Variants in SKA1 observed in about 807,000 individuals in gnomAD.
SKA1 encodes spindle and kinetochore associated complex subunit 1.
In SKA1, 20 loss-of-function variants were observed where a neutral mutation model predicts 31.8. The ratio of observed to expected loss-of-function variants is 0.63; its 90% CI spans 0.44 to 0.91. The LOEUF (loss-of-function observed/expected upper bound fraction) is 0.91. SKA1 is among the 40% of genes least tolerant of loss of function. The pLI, the probability that SKA1 is intolerant of heterozygous loss-of-function variation, is 0.00. For missense variants in SKA1, 253 were observed against 298.2 expected (o/e 0.85, Z 1.12); for synonymous variants, 88 against 100.5 (o/e 0.88, Z 0.74).
intron 5 of SKA1, among the ~76,000 whole-genome samples, chr18:50,389,151 G>A (rs1290704985): frequency 1.3e-5 from 2 of 152,026 alleles, no homozygotes; most frequent in Non-Finnish European, 2.9e-5. Flanking sequence ...CTCTTGACAC[G>A]TCAGAGTGCT....
rs6507990 is a variant in SKA1 at position 50,375,146 on chromosome 18, A to G, written c.-60A>G. The stretch of plus-strand genomic sequence containing the variant: ...TTCCAACGGAGACTGCGGTATCCGC[A>G]GCTGGAGACCCAGCGGCGAGTAGCC... On this transcript the variant is annotated 5_prime_UTR_variant, in exon 1 of 7. Transcript: ENST00000285116. 0.95 allele frequency: 145,182 copies of G among 152,570 alleles called. 69,109 individuals carry two copies. The highest frequency in any genetic ancestry group is 1 in the East Asian group (5,166 of 5,170). 9.5% of individuals were successfully genotyped at this position (152,570 alleles called of 1,614,324 possible).
rs935169263 is a variant in SKA1 at position 50,389,370 on chromosome 18, C to T, written c.450-1754C>T. ...GAGGGTCATTTTGTCATTTCCTTTA[C>T]CTTTCTTTTTTTTTTTTTTTTTTTT... On this transcript the variant is annotated intron_variant, in intron 5 of 6. Transcript: ENST00000285116. 4.7e-3 allele frequency among the ~76,000 whole-genome samples: 636 copies of T among 134,720 alleles called. 8 individuals are homozygous for T. Among genetic ancestry groups the T allele is most frequent in the African/African-American group, 0.017 (570 of 32,978 alleles). 88.4% of individuals were successfully genotyped at this position (134,720 alleles called of 152,430 possible).
chr18:50,384,891 G>T (rs1383108886), intron 4 of SKA1, among the ~76,000 whole-genome samples: 1 of 107,480 alleles, frequency 9.3e-6, no homozygotes, highest in Admixed American at 8.9e-5. Flanking sequence ...AAAAAAAAAA[G>T]GAAAAAAAAA....
At chr18:50,387,174 A>G (rs1300610882) in intron 5 of SKA1, among the ~76,000 whole-genome samples, 1 of 152,182 alleles carries the variant, frequency 6.6e-6, no homozygotes, top group African/African-American at 2.4e-5. Context: ...ATCATTTGGT[A>G]TTGTCAGTGT....
intron 5 of SKA1, among the ~76,000 whole-genome samples, chr18:50,388,496 C>T (rs1196842105): frequency 2.0e-5 from 3 of 151,408 alleles, no homozygotes; most frequent in Non-Finnish European, 4.4e-5. Context: ...TTCACTAATA[C>T]GTTCCTGTAA....
chr18:50,384,871 T>TAAAAAAAAAAAAAAAAAAAGAAAAA (rs2041292849), intron 4 of SKA1, among the ~76,000 whole-genome samples: 1 of 82,600 alleles, frequency 1.2e-5, no homozygotes, highest in Non-Finnish European at 2.1e-5. Flanking sequence ...AAAAAAAAAT[T>TAAAAAAAAAAAAAAAAAAAGAAAAA]AAAAAAAAAA....
At chr18:50,376,493 G>T (rs1371466026) in intron 2 of SKA1, among the ~76,000 whole-genome samples, 2 of 152,176 alleles carry the variant, frequency 1.3e-5, no homozygotes, top group Non-Finnish European at 2.9e-5. Flanking sequence ...ATTAAAAATG[G>T]AACACCTGTA....
At chr18:50,387,325 C>T (rs8099593) in intron 5 of SKA1, among the ~76,000 whole-genome samples, 9,582 of 152,274 alleles carry the variant, frequency 0.063, 833 homozygotes, top group African/African-American at 0.19. Context: ...TCGAAGGAAG[C>T]ACTGAGCATC....
chr18:50,385,545 T>C (rs974860623), intron 5 of SKA1, among the ~76,000 whole-genome samples, 192 bp downstream of exon 5: 2 of 152,178 alleles, frequency 1.3e-5, no homozygotes, highest in African/African-American at 2.4e-5. Flanking sequence ...CATAGAGAGA[T>C]CTAGAGATGG....
intron 4 of SKA1, among the ~76,000 whole-genome samples, chr18:50,382,780 C>G (rs1268577847): frequency 6.6e-6 from 1 of 152,150 alleles, no homozygotes; most frequent in African/African-American, 2.4e-5. Context: ...CGCCTATAAT[C>G]CTAGCATTTT....
At chr18:50,387,221 A>G (rs76370994) in intron 5 of SKA1, among the ~76,000 whole-genome samples, 2,337 of 152,298 alleles carry the variant, frequency 0.015, 56 homozygotes, top group East Asian at 0.085. Flanking sequence ...GTATAGTGGT[A>G]TCTAATTATT....
intron 5 of SKA1, among the ~76,000 whole-genome samples, chr18:50,387,706 A>G (rs1465508903): frequency 6.6e-6 from 1 of 152,156 alleles, no homozygotes; most frequent in Non-Finnish European, 1.5e-5. Context: ...CTTTATTTCT[A>G]GCATTTCCTT....
At chr18:50,384,718 AG>A (rs1292758933) in intron 4 of SKA1, among the ~76,000 whole-genome samples, 3 of 38,476 alleles carry the variant, frequency 7.8e-5, no homozygotes, top group Admixed American at 3.6e-4. Flanking sequence ...GGGTCGGGGG[AG>A]GGGGGAGGGA....
chr18:50,385,190 T>C (rs1384383160), intron 4 of SKA1, 26 bp from the exon 5 acceptor site: 1 of 1,559,962 alleles, frequency 6.4e-7, no homozygotes. Context: ...AAATTGCCTG[T>C]ATGTATGTAC....
intron 2 of SKA1, among the ~76,000 whole-genome samples, chr18:50,376,822 A>C (rs200968814): frequency 7.7e-6 from 1 of 130,186 alleles, no homozygotes; most frequent in Non-Finnish European, 1.6e-5. Context: ...ATTTTTTTTT[A>C]ACTTTTTAAA....
rs139236138 is a variant in SKA1, at chr18:50,388,952, G to A, written c.450-2172G>A. Among the ~76,000 whole-genome samples, 549 of 152,176 alleles carry A rather than the reference G, an allele frequency of 3.6e-3. 4 individuals are homozygous for A. Among genetic ancestry groups the A allele is most frequent in the Non-Finnish European group, 6.6e-3 (449 of 68,008 alleles). ...CAAACTGAGCCTTAGCAGTTTGTCCGTTACTATTTAAATGTTCCTACAGTT... is the reference window on the plus strand; with the variant it reads ...CAAACTGAGCCTTAGCAGTTTGTCCATTACTATTTAAATGTTCCTACAGTT... On this transcript the variant is annotated intron_variant, in intron 5 of 6. Transcript: ENST00000285116.
Position 50,391,204 on chromosome 18 carries a change from A to C in SKA1, c.530A>C (p.Lys177Thr). The change falls in exon 6 of 7, where the codon AAA becomes ACA. Residue 177 changes from lysine to threonine, a missense_variant. Coordinates refer to ENST00000285116, the MANE Select transcript of SKA1 (RefSeq NM_145060.4). ...AACAAGGCAGTAATTAGTAAATATA[A>C]AATCCTACATCAGCCAAAAAAGTCT... ...EINKAVISKY[K>T]ILHQPKKSMN... 1 of 1,606,500 alleles carries C rather than the reference A, an allele frequency of 6.2e-7. No homozygotes were observed. The highest frequency in any genetic ancestry group is 1.1e-5 in the South Asian group (1 of 88,830).
At chr18:50,380,609 GAGA>G (rs1399752224) in intron 3 of SKA1, among the ~76,000 whole-genome samples, 2 of 152,182 alleles carry the variant, frequency 1.3e-5, no homozygotes, top group African/African-American at 4.8e-5. Context: ...CTGCCACCCT[GAGA>G]AAGCTATTTT....
At chr18:50,390,737 T>C (rs16951857) in intron 5 of SKA1, among the ~76,000 whole-genome samples, 9,123 of 152,250 alleles carry the variant, frequency 0.06, 755 homozygotes, top group African/African-American at 0.18. Context: ...ATAGTTTTTG[T>C]ATAGCACTAG....
Sources: allele counts gnomAD v4.1 joint callset (sites outside exome capture counted in the v4.1 genomes callset), GRCh38; gene constraint gnomAD v4.1.1; transcripts MANE v1.5; gene names NCBI Gene and HGNC (gene_info 2026-07-23, HGNC 2026-07-21).